Variants in SDHC observed in about 807,000 individuals in gnomAD.
SDHC encodes succinate dehydrogenase complex subunit C.
Under a neutral mutation model 22.6 loss-of-function variants are expected in SDHC, and 11 were observed. The observed-to-expected ratio is 0.49, with a 90% CI of 0.31 to 0.81. The LOEUF (loss-of-function observed/expected upper bound fraction) is 0.81, where lower values mean the gene tolerates loss of function less well. SDHC is among the 30% of genes least tolerant of loss of function. SDHC has a pLI of 0.05. For synonymous variants in SDHC, 80 were observed against 77.8 expected (o/e 1.03, Z -0.15); for missense variants, 160 against 212.0 (o/e 0.75, Z 1.52).
At chr1:161,316,343 T>C (rs1670616168) in intron 1 of SDHC, among the ~76,000 whole-genome samples, 1 of 152,258 alleles carries the variant, frequency 6.6e-6, no homozygotes, top group South Asian at 2.1e-4. Context: ...CGGAGGTCCT[T>C]GCGGCCTACC....
Position 161,362,527 on chromosome 1 carries a change from CCTT to C in SDHC, c.*95_*97del. The C allele has an allele frequency of 1.2e-6, 2 of 1,608,826 alleles. No individual in the cohort carries two copies. The highest frequency in any genetic ancestry group is 8.5e-7 in the Non-Finnish European group (1 of 1,177,842). On this transcript the variant is annotated 3_prime_UTR_variant, in exon 6 of 6. Transcript: ENST00000367975. ...TTATCTCCAGCCTGGGAAAAGTTCT[CCTT>C]ATTTGTTTAGATCCTTTTGTATTTT...
At chr1:161,318,320 T>C (rs1418965410) in intron 1 of SDHC, among the ~76,000 whole-genome samples, 1 of 152,198 alleles carries the variant, frequency 6.6e-6, no homozygotes, top group East Asian at 1.9e-4. Context: ...TTAAGAATTA[T>C]TAGTTATCAG....
chr1:161,329,184 G>A (rs1671182329), intron 3 of SDHC, among the ~76,000 whole-genome samples: 2 of 152,048 alleles, frequency 1.3e-5, no homozygotes, highest in Admixed American at 1.3e-4. Context: ...GGGATTACAA[G>A]TGTGAGCCAC....
At chr1:161,361,902 T>C (rs955920674) in intron 5 of SDHC, among the ~76,000 whole-genome samples, 2 of 150,974 alleles carry the variant, frequency 1.3e-5, no homozygotes, top group African/African-American at 2.5e-5. Context: ...TTTATGAACT[T>C]TGTATGACCA....
At chr1:161,356,574 A>T in intron 4 of SDHC, 103 bp from the exon 5 acceptor site, 1 of 1,187,396 alleles carries the variant, frequency 8.4e-7, no homozygotes, top group Non-Finnish European at 1.3e-6. Flanking sequence ...CTCCATTTCA[A>T]AATGGTTTAG....
intron 3 of SDHC, 108 bp from the exon 4 acceptor site, chr1:161,340,486 A>G (rs1571868948): frequency 7.2e-6 from 7 of 973,528 alleles, no homozygotes; most frequent in East Asian, 4.9e-5. Context: ...AAAAAAAAAG[A>G]AAAAAAAGTG....
chr1:161,336,105 G>A (rs910158566), intron 3 of SDHC, among the ~76,000 whole-genome samples: 4 of 152,138 alleles, frequency 2.6e-5, no homozygotes, highest in Non-Finnish European at 4.4e-5. Context: ...AACAGAAGGA[G>A]GCTAATAAGT....
intron 3 of SDHC, among the ~76,000 whole-genome samples, chr1:161,339,282 A>G (rs1380654766): frequency 2.6e-5 from 4 of 151,896 alleles, no homozygotes; most frequent in African/African-American, 9.7e-5. Flanking sequence ...TCCTGGCCTC[A>G]AGCGACCCTC....
intron 4 of SDHC, among the ~76,000 whole-genome samples, chr1:161,345,918 G>C (rs897982499): frequency 6.6e-6 from 1 of 151,978 alleles, no homozygotes; most frequent in African/African-American, 2.4e-5. Context: ...CAATTCTTCT[G>C]CCTCAGCCTC....
chr1:161,335,532 T>TA (rs1170811186), intron 3 of SDHC, among the ~76,000 whole-genome samples: 14 of 152,184 alleles, frequency 9.2e-5, no homozygotes, highest in African/African-American at 3.4e-4. Context: ...TTGCTTTTTT[T>TA]ATCAGTATGG....
intron 4 of SDHC, 76 bp from the exon 5 acceptor site, chr1:161,356,601 A>C: frequency 7.0e-7 from 1 of 1,433,184 alleles, no homozygotes; most frequent in Non-Finnish European, 9.8e-7. Flanking sequence ...ATGAGGTGCC[A>C]GGGGTCCCAG....
intron 1 of SDHC, among the ~76,000 whole-genome samples, chr1:161,319,432 T>G (rs557641020): frequency 2.0e-4 from 31 of 151,508 alleles, no homozygotes; most frequent in South Asian, 1.0e-3. Flanking sequence ...AGGAATTGGT[T>G]GTTTTTTTTT....
chr1:161,328,521 A>G, intron 3 of SDHC, 24 bp downstream of exon 3: 1 of 1,505,290 alleles, frequency 6.6e-7, no homozygotes, highest in Non-Finnish European at 9.3e-7. Flanking sequence ...CTGGAGCCAG[A>G]GAATCTAGAG....
Position 161,329,493 on chromosome 1 carries a change from G to A in SDHC, c.179+996G>A, listed in dbSNP as rs146670432. On this transcript the variant is annotated intron_variant, in intron 3 of 5. Transcript: ENST00000367975. ...ATTACAGACATGAACCTCCATGCCC[G>A]GCTAATTTTTGTCTTTTAGTAAGAG... 4.6e-4 allele frequency among the ~76,000 whole-genome samples: 70 copies of A among 152,080 alleles called. No individual in the cohort carries two copies. In the South Asian group the frequency reaches 5.8e-3, roughly 13 times the overall value.
chr1:161,320,274 G>A (rs1054589592), intron 1 of SDHC, among the ~76,000 whole-genome samples: 1 of 152,056 alleles, frequency 6.6e-6, no homozygotes, highest in Non-Finnish European at 1.5e-5. Context: ...TTATAGTTTG[G>A]TAGTTGGGTG....
At chr1:161,337,667 G>A (rs1252746362) in intron 3 of SDHC, among the ~76,000 whole-genome samples, 2 of 152,032 alleles carry the variant, frequency 1.3e-5, no homozygotes, top group Non-Finnish European at 2.9e-5. Flanking sequence ...GATTTTAACC[G>A]TTTTTGAAAA....
chr1:161,330,996 CAAA>C (rs61295520), intron 3 of SDHC, among the ~76,000 whole-genome samples: 11 of 102,230 alleles, frequency 1.1e-4, no homozygotes, highest in Admixed American at 1.2e-4. Context: ...GCTCTGTTTC[CAAA>C]AAAAAAAAAA....
chr1:161,333,925 A>T (rs993637781), intron 3 of SDHC, among the ~76,000 whole-genome samples: 6 of 152,188 alleles, frequency 3.9e-5, no homozygotes, highest in African/African-American at 1.4e-4. Context: ...AGGCACTTCC[A>T]CATTTTTGGG....
At chr1:161,314,472 T>A in intron 1 of SDHC, 47 bp downstream of exon 1, 1 of 1,604,130 alleles carries the variant, frequency 6.2e-7, no homozygotes, top group Non-Finnish European at 8.5e-7. Flanking sequence ...CCTCCGGAGA[T>A]CTGAACTGGC....
Sources: gnomAD v4.1 joint callset for allele counts (sites outside exome capture counted in the v4.1 genomes callset) on GRCh38, gnomAD v4.1.1 for gene constraint, MANE v1.5 for transcripts, NCBI Gene and HGNC (gene_info 2026-07-23, HGNC 2026-07-21) for gene names.